OSR1: variants seen among roughly 807,000 people sequenced by gnomAD.
OSR1 encodes odd-skipped related transcription factor 1.
OSR1 carries 3 observed loss-of-function variants against 15.7 expected under a neutral mutation model. The observed-to-expected ratio is 0.19, with a 90% CI of 0.09 to 0.50. OSR1 has a LOEUF of 0.50. OSR1 is among the 20% of genes least tolerant of loss of function. The pLI is 0.97. For missense variants in OSR1, 271 were observed against 351.1 expected, an observed-to-expected ratio of 0.77 and a Z score of 1.82; for synonymous variants, 166 against 152.7, an observed-to-expected ratio of 1.09 and a Z score of -0.64.
At position 19,353,696 on chromosome 2, in the gene OSR1, T is replaced by C. The variant is rs765266778; in HGVS notation, c.110A>G (p.His37Arg). The C allele has an allele frequency of 3.1e-6, 5 of 1,614,214 alleles. No homozygotes were observed. In the Admixed American group the frequency reaches 8.3e-5, roughly 27 times the overall value. ...VNGLPTVPSDHLPNLYGFSAL... is the reference protein window; with the variant it reads ...VNGLPTVPSDRLPNLYGFSAL... ...GCTGAAACCATACAGGTTGGGCAGA[T>C]GGTCCGAAGGCACTGTGGGCAGGCC... Residue 37 changes from histidine to arginine, a missense_variant, in exon 2 of 3, where the codon CAT (histidine) becomes CGT (arginine). Around this residue, in one of 4 missense-constraint regions of OSR1, gnomAD observed 210 missense variants for 218.4 expected, o/e 0.96. Transcript: ENST00000272223.
At chr2:19,345,838 T>C in the OSR1 span, among the ~76,000 whole-genome samples, 10 of 152,320 alleles carry the variant, frequency 6.6e-5, no homozygotes, top group African/African-American at 2.2e-4. Flanking sequence ...TGCAAAGACA[T>C]TCAGTTCTGG....
At position 19,351,648 on chromosome 2, in the gene OSR1, C is replaced by CGTCTGCA. The variant is rs555477649; in HGVS notation, c.*626_*627insTGCAGAC. Reference sequence around the variant, plus strand: ...GCGGCAGCGGAGGCCGGGCCCCCTGCAGACCCCAGGCCCGAGGTCCCCGTC... The same window carrying CGTCTGCA: ...GCGGCAGCGGAGGCCGGGCCCCCTGCGTCTGCAAGACCCCAGGCCCGAGGTCCCCGTC... On this transcript the variant is annotated 3_prime_UTR_variant, in exon 3 of 3. Coordinates refer to ENST00000272223, the MANE Select transcript of OSR1 (RefSeq NM_145260.3). The CGTCTGCA allele has an allele frequency of 1.3e-5, 2 of 152,838 alleles. No homozygotes were observed. 9.5% of individuals were successfully genotyped at this position (152,838 alleles called of 1,614,324 possible).
chr2:19,353,801 C>T lies in OSR1; in HGVS notation c.5G>A (p.Gly2Asp), dbSNP rs1430444346. M[G>D]SKTLPAPVPI... ...CACCGGCGCCGGCAAGGTTTTGCTG[C>T]CCATTTCGGTAGTTGCAGTGGCTTC... The change falls in exon 2 of 3, where the codon GGC (glycine) becomes GAC (aspartate). Residue 2 changes from glycine to aspartate, a missense_variant. Around this residue, in one of 4 missense-constraint regions of OSR1, gnomAD observed 210 missense variants for 218.4 expected, o/e 0.96. Coordinates refer to ENST00000272223, the MANE Select transcript of OSR1 (RefSeq NM_145260.3). 2 of 1,608,330 alleles carry T rather than the reference C, an allele frequency of 1.2e-6. No homozygotes were observed. The highest frequency in any genetic ancestry group is 8.5e-7 in the Non-Finnish European group (1 of 1,176,578).
rs1198036408 is a variant in OSR1, at chr2:19,357,880, A to G, written c.-33+461T>C. 1.3e-5 allele frequency: 2 copies of G among 152,284 alleles called. No homozygotes were observed. Among genetic ancestry groups the G allele is most frequent in the African/African-American group, 4.8e-5 (2 of 41,442 alleles). 9.4% of individuals were successfully genotyped at this position (152,284 alleles called of 1,614,324 possible). On this transcript the variant is annotated intron_variant, in intron 1 of 2. Coordinates refer to ENST00000272223, the MANE Select transcript of OSR1 (RefSeq NM_145260.3). This position sits in a 1 kb window ranked among gnomAD's most constrained non-coding sequence, Gnocchi z 5.0. ...AAAGCGCTACCGAGCTGGGGCATGC[A>G]CCTGTCCCTGGCGCGGTCGGCTGCG...
At chr2:19,349,677 AGGGAGGTGGAATGATGTGTTCT>A (rs1664797709), downstream of OSR1, among the ~76,000 whole-genome samples, 1 of 152,080 alleles carries the variant, frequency 6.6e-6, no homozygotes, top group African/African-American at 2.4e-5. Context: ...CTCGATCTTC[AGGGAGGTGGAATGATGTGTTCT>A]GGGAGGTGGA....
chr2:19,348,714 A>C (rs1339016842), downstream of OSR1, among the ~76,000 whole-genome samples: 1 of 152,120 alleles, frequency 6.6e-6, no homozygotes, highest in Non-Finnish European at 1.5e-5. Context: ...ACCCCTAACT[A>C]CACTCTGGAA....
downstream of OSR1, among the ~76,000 whole-genome samples, chr2:19,348,035 T>C (rs1019188171): frequency 2.0e-5 from 3 of 152,236 alleles, no homozygotes; most frequent in Non-Finnish European, 4.4e-5. Context: ...GCCTGCGAGT[T>C]CCTTTTGCGC....
downstream of OSR1, among the ~76,000 whole-genome samples, chr2:19,346,969 G>A (rs1235332029): frequency 6.6e-6 from 1 of 152,132 alleles, no homozygotes; most frequent in Non-Finnish European, 1.5e-5. Context: ...CTCTGACATA[G>A]GGCCATGACA....
chr2:19,353,822 G>C lies in OSR1; in HGVS notation c.-17C>G. 6.2e-7 allele frequency: 1 copy of C among 1,600,006 alleles called. No individual in the cohort carries two copies. Among genetic ancestry groups the C allele is most frequent in the Non-Finnish European group, 8.5e-7 (1 of 1,171,686 alleles). On this transcript the variant is annotated 5_prime_UTR_variant, in exon 2 of 3. Transcript: ENST00000272223. Reference sequence around the variant, plus strand: ...GCTGCCCATTTCGGTAGTTGCAGTGGCTTCTCAATCCGGATCTGCAAAGAA... The same window carrying C: ...GCTGCCCATTTCGGTAGTTGCAGTGCCTTCTCAATCCGGATCTGCAAAGAA...
chr2:19,355,113 C>T (rs965191797), intron 1 of OSR1: 1 of 152,258 alleles, frequency 6.6e-6, no homozygotes, highest in Non-Finnish European at 1.5e-5. Flanking sequence ...ACAGGGTGAG[C>T]AAAGTCTAAA....
chr2:19,356,642 G>T, intron 1 of OSR1: 1 of 152,250 alleles, frequency 6.6e-6, no homozygotes. Context: ...TTAAACACAG[G>T]ATGGAAAACC....
Position 19,352,342 on chromosome 2 carries a change from G to A in OSR1, c.734C>T (p.Thr245Ile), listed in dbSNP as rs1664859199. 6.2e-7 allele frequency: 1 copy of A among 1,614,038 alleles called. No individual in the cohort carries two copies. The highest frequency in any genetic ancestry group is 1.3e-5 in the African/African-American group (1 of 74,930). Residue 245 changes from threonine (T) to isoleucine (I), a missense_variant, in exon 3 of 3, where the codon ACT becomes ATT. Physicochemically the swap from Thr to Ile is moderately conservative, Grantham distance 89. Coordinates refer to ENST00000272223, the MANE Select transcript of OSR1 (RefSeq NM_145260.3). ...ECGKGFCQSRTLAVHKTLHSQ... is the reference protein window; with the variant it reads ...ECGKGFCQSRILAVHKTLHSQ... Reference sequence around the variant, plus strand: ...GTGTAGCGTCTTGTGGACAGCGAGAGTCCTGGACTGGCAGAATCCTTTCCC... The same window carrying A: ...GTGTAGCGTCTTGTGGACAGCGAGAATCCTGGACTGGCAGAATCCTTTCCC...
downstream of OSR1, chr2:19,348,340 GTGGA>G (rs1411535490): frequency 6.5e-6 from 1 of 154,334 alleles, no homozygotes; most frequent in East Asian, 1.9e-4. Context: ...GCTGAGAGGT[GTGGA>G]TATGTTAGCC....
Position 19,353,581 on chromosome 2 carries a change from C to T in OSR1, c.225G>A (p.Thr75=), listed in dbSNP as rs142245985. Residue 75 remains threonine, a synonymous_variant, in exon 2 of 3, where the codon ACG becomes ACA. Transcript: ENST00000272223. ...PRSSFSKVPG[T]VSSLVDARFQ... is the part of the protein sequence containing the mutation. ...AGCGCGCATCCACCAAGCTGGACACCGTGCCCGGCACTTTGGAGAAAGAAG... is the reference window on the plus strand; with the variant it reads ...AGCGCGCATCCACCAAGCTGGACACTGTGCCCGGCACTTTGGAGAAAGAAG... 4.3e-6 allele frequency: 7 copies of T among 1,614,186 alleles called. No homozygotes were observed. The highest frequency in any genetic ancestry group is 2.2e-5 in the South Asian group (2 of 91,086).
Position 19,353,390 on chromosome 2 carries a change from C to A in OSR1, c.416G>T (p.Gly139Val), listed in dbSNP as rs765050076. 2 of 1,614,066 alleles carry A rather than the reference C, an allele frequency of 1.2e-6. No individual in the cohort carries two copies. The highest frequency in any genetic ancestry group is 1.7e-6 in the Non-Finnish European group (2 of 1,179,984). The change falls in exon 2 of 3, where the codon GGC becomes GTC. Residue 139 changes from glycine to valine, a missense_variant. Transcript: ENST00000272223. ...CAGCCCACCTGCAGGGGAGCCTGGG[C>A]CCTCCCCGCGACCGAGCTTGGCCGG... Reference protein sequence around the residue: ...EDPAKLGRGEGPGSPAGGLGA... With the variant: ...EDPAKLGRGEVPGSPAGGLGA...
downstream of OSR1, among the ~76,000 whole-genome samples, chr2:19,348,803 T>C (rs1308236639): frequency 6.6e-6 from 1 of 152,202 alleles, no homozygotes; most frequent in Non-Finnish European, 1.5e-5. Context: ...GCACCTGATA[T>C]CTTACCGGAG....
chr2:19,349,869 A>G (rs45529433), downstream of OSR1, among the ~76,000 whole-genome samples: 453 of 152,304 alleles, frequency 3.0e-3, 1 homozygote, highest in African/African-American at 0.01. Context: ...CTGGGGCTTC[A>G]TAAAGAAACC....
In OSR1 at chr2:19,353,913, C is replaced by T. The variant is rs1664895900; in HGVS notation, c.-32-76G>A. The T allele has an allele frequency of 7.4e-6, 9 of 1,220,656 alleles. 1 individual carries two copies. The South Asian group carries it at 1.4e-4, about 19-fold the overall frequency. The allele number at this position is 1,220,656 out of a possible 1,614,324, so 75.6% of individuals were successfully genotyped here. A position where few individuals can be genotyped will look rare whatever the true frequency, so the allele number is the denominator to read the frequency against. On this transcript the variant is annotated intron_variant, in intron 1 of 2. Transcript: ENST00000272223. ...GGGTGGGTCGCCTTCCTCCTGAATT[C>T]CAGCCGAGCCACACCCTCTCCTCAC...
At position 19,353,769 on chromosome 2, in the gene OSR1, G is replaced by A. The variant is rs748946826; in HGVS notation, c.37C>T (p.His13Tyr). 7.7e-5 allele frequency: 124 copies of A among 1,612,884 alleles called. 1 individual carries two copies. The highest frequency in any genetic ancestry group is 9.0e-5 in the Non-Finnish European group (106 of 1,179,238). Residue 13 changes from histidine (H) to tyrosine (Y), a missense_variant, in exon 2 of 3, where the codon CAC (histidine) becomes TAC (tyrosine). By Grantham distance (83) the His-to-Tyr change is moderately conservative. Coordinates refer to ENST00000272223, the MANE Select transcript of OSR1 (RefSeq NM_145260.3). ...SKTLPAPVPI[H>Y]PSLQLTNYSF... is the part of the protein sequence containing the mutation. The stretch of plus-strand genomic sequence containing the variant: ...TAGTTGGTGAGCTGCAGGGAAGGGT[G>A]GATAGGCACCGGCGCCGGCAAGGTT...
Sources: gnomAD v4.1 joint callset for allele counts (sites outside exome capture counted in the v4.1 genomes callset) on GRCh38, gnomAD v4.1.1 for gene constraint, gnomAD v4.1.1 regional missense constraint, Gnocchi (gnomAD v3.1) non-coding constraint, MANE v1.5 for transcripts, NCBI Gene and HGNC (gene_info 2026-07-23, HGNC 2026-07-21) for gene names.